Variants in WDR18 observed in about 807,000 individuals in gnomAD.
WDR18 encodes WD repeat-containing protein 18.
WDR18 carries 33 observed loss-of-function variants against 49.6 expected under a neutral mutation model. The observed-to-expected ratio is 0.67, with a 90% CI of 0.50 to 0.89. The LOEUF (loss-of-function observed/expected upper bound fraction) is 0.89, where lower values mean the gene tolerates loss of function less well. Ranked by LOEUF, WDR18 falls within the 40% of genes least tolerant of loss-of-function variation. The pLI is 0.00. For missense variants in WDR18, 653 were observed against 593.6 expected, an observed-to-expected ratio of 1.10 and a Z score of -1.04; for synonymous variants, 315 against 263.6, an observed-to-expected ratio of 1.19 and a Z score of -1.89.
intron 2 of WDR18, 126 bp from the exon 3 acceptor site, chr19:989,636 G>A (rs2038518129): frequency 1.4e-6 from 2 of 1,385,418 alleles, no homozygotes; most frequent in Admixed American, 4.2e-5. Context: ...CGCAGTCCTG[G>A]GGCAGGGCAG....
In WDR18 at chr19:992,003, G is replaced by A; in HGVS notation, c.980G>A (p.Ser327Asn). 1.1e-5 allele frequency: 17 copies of A among 1,598,256 alleles called. No individual in the cohort carries two copies. Among genetic ancestry groups the A allele is most frequent in the Non-Finnish European group, 1.4e-5 (16 of 1,176,220 alleles). The change falls in exon 8 of 10, where the codon AGC becomes AAC. Residue 327 changes from serine to asparagine, a missense_variant. Transcript: ENST00000585809. ...AILLAPVSML[S>N]SDFRPSLPLP... ...CTGCTGGCGCCCGTCAGCATGCTGA[G>A]CTCAGACTTCAGGCCCAGCCTGCCG... is the stretch of plus-strand genomic sequence containing the variant.
Position 994,278 on chromosome 19 carries a change from C to A in WDR18, c.1233C>A (p.Asn411Lys), listed in dbSNP as rs888424166. 7 of 1,610,502 alleles carry A rather than the reference C, an allele frequency of 4.3e-6. No homozygotes were observed. Among genetic ancestry groups the A allele is most frequent in the Non-Finnish European group, 5.9e-6 (7 of 1,179,146 alleles). ...CGGAGCTGGAGGACGAGGTGCGCAA[C>A]CTGCGCAAGATCAATCGGGACCTGT... The part of the protein sequence containing the change: ...RVTELEDEVR[N>K]LRKINRDLFD... The change falls in exon 10 of 10, where the codon AAC becomes AAA. Residue 411 changes from asparagine (N) to lysine (K), a missense_variant. Transcript: ENST00000585809.
chr19:991,851 G>A, intron 7 of WDR18, 104 bp from the exon 8 acceptor site: 2 of 1,280,556 alleles, frequency 1.6e-6, no homozygotes, highest in South Asian at 3.4e-5. Flanking sequence ...TGTGGGGCGG[G>A]GACTGGCTGG....
chr19:992,602 T>C (rs1365485896), intron 8 of WDR18, among the ~76,000 whole-genome samples: 1 of 152,174 alleles, frequency 6.6e-6, no homozygotes, highest in South Asian at 2.1e-4. Context: ...CCTCACTCCC[T>C]GCAGCTCAGC....
Position 984,431 on chromosome 19 carries a change from C to A in WDR18, c.78C>A (p.His26Gln). ...GGAGCTGCATCGTGTGGGAACTTCA[C>A]TCGGGCGCCAACCTGCTCACCTACC... ...PMWSCIVWEL[H>Q]SGANLLTYRG... is the part of the protein sequence containing the mutation. The change falls in exon 1 of 10, where the codon CAC (histidine) becomes CAA (glutamine). Residue 26 changes from histidine to glutamine, a missense_variant. Coordinates refer to ENST00000585809, the MANE Select transcript of WDR18 (RefSeq NM_024100.4). 6.2e-7 allele frequency: 1 copy of A among 1,602,426 alleles called. No homozygotes were observed. Among genetic ancestry groups the A allele is most frequent in the East Asian group, 2.3e-5 (1 of 43,792 alleles).
At chr19:994,161 CT>C (rs1895443186) in intron 9 of WDR18, 51 bp from the exon 10 acceptor site, 2 of 1,555,674 alleles carry the variant, frequency 1.3e-6, no homozygotes, top group Non-Finnish European at 1.7e-6. Context: ...AGTGGCCCCC[CT>C]CCAGCACACC....
chr19:992,351 C>G (rs551066995), intron 8 of WDR18, among the ~76,000 whole-genome samples: 36 of 152,360 alleles, frequency 2.4e-4, no homozygotes, highest in African/African-American at 8.7e-4. Flanking sequence ...CCCCGGCCAG[C>G]AGGGCCGAGC....
At chr19:991,686 GACTGT>G in intron 7 of WDR18, among the ~76,000 whole-genome samples, 1 of 74,444 alleles carries the variant, frequency 1.3e-5, no homozygotes, top group African/African-American at 6.0e-5. Flanking sequence ...GGCGTGGACT[GACTGT>G]GGGGCGGGGC....
rs755787490 is a variant in WDR18, at chr19:985,970, T to C, written c.316T>C (p.Trp106Arg). ...AGGAGTTGCAGAAAGCATCCACCTG[T>C]GGGAGGTAAGAGGAGCAAAGCGTGA... ...LAGVAESIHL[W>R]EVSTGNLLVI... is the part of the protein sequence containing the mutation. The change falls in exon 2 of 10, where the codon TGG (tryptophan) becomes CGG (arginine). Residue 106 changes from tryptophan to arginine, a missense_variant. Coordinates refer to ENST00000585809, the MANE Select transcript of WDR18 (RefSeq NM_024100.4). 2.1e-5 allele frequency: 34 copies of C among 1,613,426 alleles called. No individual in the cohort carries two copies. In the African/African-American group the frequency reaches 4.4e-4, roughly 21 times the overall value.
chr19:983,485 C>T (rs1347175693), upstream of WDR18, among the ~76,000 whole-genome samples: 2 of 151,366 alleles, frequency 1.3e-5, no homozygotes, highest in Admixed American at 6.6e-5. Context: ...TAGTCTCGAA[C>T]TCCTGATCTC....
chr19:989,129 C>G (rs1436304919), intron 2 of WDR18, among the ~76,000 whole-genome samples: 1 of 82,656 alleles, frequency 1.2e-5, no homozygotes, highest in Non-Finnish European at 2.7e-5. Flanking sequence ...ACAAACCCCC[C>G]CAAGAGCATC....
In WDR18 at chr19:990,930, G is replaced by C. The variant is rs1229111135; in HGVS notation, c.676G>C (p.Ala226Pro). The stretch of plus-strand genomic sequence containing the variant: ...CATCATGGCAGTGACCATGGACCTG[G>C]CTGAGCACCATATGTTCTGCGGGGG... Reference protein sequence around the residue: ...VSIMAVTMDLAEHHMFCGGSE... With the variant: ...VSIMAVTMDLPEHHMFCGGSE... Residue 226 changes from alanine to proline, a missense_variant, in exon 5 of 10, where the codon GCT becomes CCT. By Grantham distance (27) the Ala-to-Pro change is conservative. Transcript: ENST00000585809. 6.2e-7 allele frequency: 1 copy of C among 1,612,806 alleles called. No homozygotes were observed.
chr19:990,736 C>T (rs2365709), intron 4 of WDR18, 116 bp from the exon 5 acceptor site: 169,184 of 1,421,772 alleles, frequency 0.12, 10,788 homozygotes, highest in South Asian at 0.2. Flanking sequence ...CACCCAAAGT[C>T]GCAAGCCCTA....
rs1338266942 is a variant in WDR18, at chr19:994,069, T to C, written c.1148T>C (p.Leu383Pro). The change falls in exon 9 of 10, where the codon CTG (leucine) becomes CCG (proline). Residue 383 changes from leucine (L) to proline (P), a missense_variant. Transcript: ENST00000585809. ...CGCACGGAGCAGCTGCAGGCCGTCC[T>C]GTGCAGCACCATGGAGAAGGTGGGC... ...LDRTEQLQAVLCSTMEKSVLG... is the reference protein window; with the variant it reads ...LDRTEQLQAVPCSTMEKSVLG... 2 of 1,559,746 alleles carry C rather than the reference T, an allele frequency of 1.3e-6. No homozygotes were observed. Among genetic ancestry groups the C allele is most frequent in the Non-Finnish European group, 1.7e-6 (2 of 1,153,226 alleles).
At chr19:988,635 C>T (rs1211955446) in intron 2 of WDR18, among the ~76,000 whole-genome samples, 1 of 152,180 alleles carries the variant, frequency 6.6e-6, no homozygotes, top group Non-Finnish European at 1.5e-5. Context: ...GGCCCCCATC[C>T]TTGAGGCCAG....
chr19:990,199 G>C (rs551400320), intron 3 of WDR18, 24 bp from the exon 4 acceptor site: 2 of 1,585,962 alleles, frequency 1.3e-6, no homozygotes, highest in Admixed American at 3.4e-5. Context: ...CCCGCCTGCT[G>C]AGCACCTGCC....
In WDR18 at chr19:991,232, A is replaced by G. The variant is rs1398225813; in HGVS notation, c.812A>G (p.Gln271Arg). ...AGKVFKGHRN[Q>R]VTCLSVSTDG... The stretch of plus-strand genomic sequence containing the variant: ...ACCCCTGTCTGTCTGTCCAGGAACC[A>G]GGTGACTTGCCTGTCAGTGTCCACT... Residue 271 changes from glutamine (Q) to arginine (R), a missense_variant, in exon 7 of 10, where the codon CAG becomes CGG. Physicochemically the swap from Gln to Arg is conservative, Grantham distance 43. Transcript: ENST00000585809. 2 of 1,573,944 alleles carry G rather than the reference A, an allele frequency of 1.3e-6. No individual in the cohort carries two copies. Among genetic ancestry groups the G allele is most frequent in the Admixed American group, 1.8e-5 (1 of 55,892 alleles).
In WDR18 at chr19:991,364, C is replaced by T. The variant is rs761267170; in HGVS notation, c.931+13C>T. 6.5e-7 allele frequency: 1 copy of T among 1,536,564 alleles called. No individual in the cohort carries two copies. The highest frequency in any genetic ancestry group is 8.8e-7 in the Non-Finnish European group (1 of 1,140,084). On this transcript the variant is annotated intron_variant, in intron 7 of 9. Transcript: ENST00000585809. ...GTGGCCCTCAAAGGTGGGCGCGCCT[C>T]TGCTCGGCCCGCGGCCAGCGCGCAG...
chr19:993,880 C>CA, intron 8 of WDR18, 140 bp from the exon 9 acceptor site: 3 of 921,618 alleles, frequency 3.3e-6, no homozygotes, highest in Non-Finnish European at 5.0e-6. Context: ...GCCCCCGTCT[C>CA]AGTCTTCCCT....
Sources: gnomAD v4.1 joint callset for allele counts (sites outside exome capture counted in the v4.1 genomes callset) on GRCh38, gnomAD v4.1.1 for gene constraint, MANE v1.5 for transcripts, NCBI Gene and HGNC (gene_info 2026-07-23, HGNC 2026-07-21) for gene names.